Variants in FAF1 observed in about 807,000 individuals in gnomAD.
The protein encoded by FAF1 is Fas associated factor 1.
A neutral mutation model predicts 92.5 loss-of-function variants in FAF1; 25 were observed. The observed-to-expected ratio is 0.27, with a 90% CI of 0.20 to 0.38. The LOEUF (loss-of-function observed/expected upper bound fraction) is 0.38. Ranked by LOEUF, FAF1 falls within the 10% of genes least tolerant of loss-of-function variation. FAF1 has a pLI of 1.00. For missense variants in FAF1, 636 were observed against 793.3 expected, an observed-to-expected ratio of 0.80 and a Z score of 2.38; for synonymous variants, 234 against 273.2, an observed-to-expected ratio of 0.86 and a Z score of 1.42.
At chr1:50,743,317 TTTTA>T (rs1224596105) in intron 5 of FAF1, among the ~76,000 whole-genome samples, 35 of 152,042 alleles carry the variant, frequency 2.3e-4, no homozygotes, top group Admixed American at 2.2e-3. Flanking sequence ...GTTTTTATAT[TTTTA>T]TTTATTTTTA....
rs1191120940 is a variant in FAF1, at chr1:50,530,283, A to G, written c.1494+5086T>C. Among the ~76,000 whole-genome samples, 104 of 138,492 alleles carry G rather than the reference A, an allele frequency of 7.5e-4. 1 individual carries two copies. The highest frequency in any genetic ancestry group is 8.0e-3 in the Middle Eastern group (2 of 250). 90.9% of individuals were successfully genotyped at this position (138,492 alleles called of 152,430 possible). On this transcript the variant is annotated intron_variant, in intron 15 of 18. Coordinates refer to ENST00000396153, the MANE Select transcript of FAF1 (RefSeq NM_007051.3). ...TGTGTGTGTGTGTGTGTGTATGTATATATGTATATATGTATGAGTGTGTGT... is the reference window on the plus strand; with the variant it reads ...TGTGTGTGTGTGTGTGTGTATGTATGTATGTATATATGTATGAGTGTGTGT...
chr1:50,577,545 G>T (rs756639479), intron 12 of FAF1, among the ~76,000 whole-genome samples: 1 of 152,158 alleles, frequency 6.6e-6, no homozygotes, highest in Non-Finnish European at 1.5e-5. Flanking sequence ...GAAAAGAGAA[G>T]AGAAGAGAAA....
At chr1:50,448,541 G>C (rs1047750739) in intron 18 of FAF1, among the ~76,000 whole-genome samples, 2 of 152,122 alleles carry the variant, frequency 1.3e-5, no homozygotes, top group African/African-American at 4.8e-5. Context: ...GGTGAATTTG[G>C]GAGAAGGATC....
chr1:50,840,121 TA>T (rs1644243850), intron 2 of FAF1, among the ~76,000 whole-genome samples: 3 of 152,124 alleles, frequency 2.0e-5, no homozygotes, highest in Admixed American at 1.3e-4. Context: ...AAATGTATCA[TA>T]TACCTTAACA....
chr1:50,762,451 T>G (rs1229470298), intron 4 of FAF1, among the ~76,000 whole-genome samples: 2 of 151,350 alleles, frequency 1.3e-5, no homozygotes, highest in East Asian at 3.9e-4. Flanking sequence ...ACTACAAGGC[T>G]ACAGTAACCA....
chr1:50,693,542 T>G (rs1657031414), intron 7 of FAF1, among the ~76,000 whole-genome samples: 1 of 152,164 alleles, frequency 6.6e-6, no homozygotes, highest in African/African-American at 2.4e-5. Flanking sequence ...TAGAAAGCCT[T>G]GTTATGTATA....
chr1:50,443,995 A>G (rs1451040707), intron 18 of FAF1, among the ~76,000 whole-genome samples: 2 of 152,294 alleles, frequency 1.3e-5, no homozygotes, highest in African/African-American at 2.4e-5. Flanking sequence ...GGATTGCTTC[A>G]AAGCAAACAC....
chr1:50,458,791 CTTCAT>C (rs1464215991), intron 18 of FAF1, among the ~76,000 whole-genome samples: 2 of 152,148 alleles, frequency 1.3e-5, no homozygotes, highest in Non-Finnish European at 2.9e-5. Context: ...ATGTGTAACA[CTTCAT>C]TTCATTTTTA....
chr1:50,959,498 A>G (rs1182954458), intron 1 of FAF1, among the ~76,000 whole-genome samples: 2 of 152,162 alleles, frequency 1.3e-5, no homozygotes, highest in Admixed American at 1.3e-4. Context: ...AATACAGGAA[A>G]CACTACACAT....
intron 17 of FAF1, among the ~76,000 whole-genome samples, chr1:50,485,667 C>CAAAAAAAAAAAAAAAAAAAAAAAAAAA (rs999538430): frequency 7.3e-5 from 1 of 13,720 alleles, no homozygotes; most frequent in Admixed American, 1.3e-3. Flanking sequence ...GAGACTGTCT[C>CAAAAAAAAAAAAAAAAAAAAAAAAAAA]AAAAAAAAAA....
At chr1:50,558,283 A>G (rs948857847) in intron 13 of FAF1, among the ~76,000 whole-genome samples, 5 of 151,966 alleles carry the variant, frequency 3.3e-5, no homozygotes, top group Non-Finnish European at 7.4e-5. Context: ...TCATTAGATT[A>G]CTCATGTTTT....
intron 7 of FAF1, among the ~76,000 whole-genome samples, chr1:50,693,788 C>T (rs1362231627): frequency 6.6e-6 from 1 of 151,956 alleles, no homozygotes; most frequent in Non-Finnish European, 1.5e-5. Context: ...ACAGTCACTG[C>T]CTACAGACTA....
At chr1:50,602,117 C>T (rs1652166557) in intron 8 of FAF1, among the ~76,000 whole-genome samples, 1 of 152,208 alleles carries the variant, frequency 6.6e-6, no homozygotes, top group Non-Finnish European at 1.5e-5. Flanking sequence ...CCTTGCTCTG[C>T]ATGTGACACA....
chr1:50,590,991 A>G (rs116315997), intron 9 of FAF1, among the ~76,000 whole-genome samples: 1,947 of 152,142 alleles, frequency 0.013, 25 homozygotes, highest in African/African-American at 0.042. Context: ...CCAAAAAAAA[A>G]AAAGAAAGAA....
chr1:50,800,829 C>T (rs1355922238), intron 3 of FAF1, among the ~76,000 whole-genome samples: 1 of 152,144 alleles, frequency 6.6e-6, no homozygotes, highest in East Asian at 1.9e-4. Context: ...CCAGATCATG[C>T]TTCAGTGACT....
At chr1:50,714,603 T>G (rs1338547325) in intron 6 of FAF1, among the ~76,000 whole-genome samples, 1 of 152,170 alleles carries the variant, frequency 6.6e-6, no homozygotes, top group Non-Finnish European at 1.5e-5. Flanking sequence ...ATCAGTTTTT[T>G]AGCCAGCTTT....
intron 6 of FAF1, among the ~76,000 whole-genome samples, chr1:50,714,406 A>C (rs1166273305): frequency 6.6e-6 from 1 of 151,804 alleles, no homozygotes; most frequent in Non-Finnish European, 1.5e-5. Context: ...CCAGCTACGC[A>C]GGAGGCTGAG....
chr1:50,873,136 T>C (rs1189001644), intron 1 of FAF1, among the ~76,000 whole-genome samples: 1 of 152,194 alleles, frequency 6.6e-6, no homozygotes, highest in Non-Finnish European at 1.5e-5. Flanking sequence ...AATTAGCATT[T>C]TTTTTAACAA....
chr1:50,858,420 A>T (rs1246367320), intron 1 of FAF1, among the ~76,000 whole-genome samples: 1 of 151,740 alleles, frequency 6.6e-6, no homozygotes, highest in East Asian at 1.9e-4. Context: ...AAAACTATAA[A>T]ACTAGATCTG....
Sources: gnomAD v4.1 joint callset for allele counts (sites outside exome capture counted in the v4.1 genomes callset) on GRCh38, gnomAD v4.1.1 for gene constraint, MANE v1.5 for transcripts, NCBI Gene and HGNC (gene_info 2026-07-23, HGNC 2026-07-21) for gene names.